The following LRRC4C variants were observed in gnomAD, a reference collection of about 807,000 sequenced individuals.
The protein encoded by LRRC4C is leucine-rich repeat-containing protein 4C.
Under a neutral mutation model 33.6 loss-of-function variants are expected in LRRC4C, and 5 were observed. The observed-to-expected ratio is 0.15, with a 90% CI of 0.08 to 0.31. The LOEUF (loss-of-function observed/expected upper bound fraction) is 0.31, where lower values mean the gene tolerates loss of function less well. Among genes scored for constraint, LRRC4C ranks in the 10% least tolerant of loss-of-function variants. The pLI is 1.00. For synonymous variants in LRRC4C, 329 were observed against 302.0 expected (o/e 1.09, Z -0.93); for missense variants, 560 against 796.7 (o/e 0.70, Z 3.58).
intron 1 of LRRC4C, among the ~76,000 whole-genome samples, chr11:41,082,697 C>T (rs938383761): frequency 6.6e-6 from 1 of 152,166 alleles, no homozygotes; most frequent in Non-Finnish European, 1.5e-5. Flanking sequence ...GTGCTCTTAA[C>T]TGCTTCTATA....
chr11:40,902,011 C>CT (rs1387173124), intron 2 of LRRC4C, among the ~76,000 whole-genome samples: 98 of 100,598 alleles, frequency 9.7e-4, no homozygotes, highest in African/African-American at 6.0e-3. Context: ...CACACACACA[C>CT]ACACACACAC....
At chr11:41,458,416 TA>T (rs1016292365) in intron 1 of LRRC4C, among the ~76,000 whole-genome samples, 2 of 151,872 alleles carry the variant, frequency 1.3e-5, no homozygotes, top group African/African-American at 4.8e-5. Flanking sequence ...AATGCAGAGA[TA>T]AAAATACTAA....
At chr11:40,399,465 TAGGTGGGAATTGAACAATG>T (rs1949674669) in intron 3 of LRRC4C, among the ~76,000 whole-genome samples, 1 of 151,148 alleles carries the variant, frequency 6.6e-6, no homozygotes, top group East Asian at 2.0e-4. Flanking sequence ...TTCTCACTCA[TAGGTGGGAATTGAACAATG>T]AGAACACATG....
At chr11:40,818,254 AC>A (rs1453505582) in intron 2 of LRRC4C, among the ~76,000 whole-genome samples, 2 of 152,106 alleles carry the variant, frequency 1.3e-5, no homozygotes, top group Non-Finnish European at 2.9e-5. Flanking sequence ...TTCTTGTGAC[AC>A]AAACCATTGC....
intron 1 of LRRC4C, among the ~76,000 whole-genome samples, chr11:41,178,121 T>C: frequency 6.6e-6 from 1 of 152,226 alleles, no homozygotes; most frequent in South Asian, 2.1e-4. Flanking sequence ...AGTTACCATA[T>C]GTTGGCCTAT....
Position 41,239,990 on chromosome 11 carries a change from T to C in LRRC4C, c.-496+219441A>G, listed in dbSNP as rs140206313. On this transcript the variant is annotated intron_variant, in intron 1 of 6. Coordinates refer to ENST00000528697, the MANE Select transcript of LRRC4C (RefSeq NM_001258419.2). ...CACATAATTTTACCCATTCTGGCTA[T>C]TAAAAATTGTGTTGTGTCCAATATG... Among the ~76,000 whole-genome samples the C allele has an allele frequency of 7.9e-3, 1,204 of 152,330 alleles. 13 individuals are homozygous for C. Among genetic ancestry groups the C allele is most frequent in the Middle Eastern group, 0.037 (11 of 294 alleles).
intron 3 of LRRC4C, among the ~76,000 whole-genome samples, chr11:40,583,034 C>T (rs983635002): frequency 1.4e-4 from 21 of 152,056 alleles, no homozygotes; most frequent in Non-Finnish European, 2.4e-4. Flanking sequence ...GTAATACTAC[C>T]GTGCTACCAA....
intron 1 of LRRC4C, among the ~76,000 whole-genome samples, chr11:41,452,961 A>G (rs1394824021): frequency 1.3e-5 from 2 of 152,116 alleles, no homozygotes; most frequent in Admixed American, 1.3e-4. Context: ...TTTACTGAGT[A>G]CCAATTAAAT....
intron 5 of LRRC4C, among the ~76,000 whole-genome samples, chr11:40,149,377 A>G (rs145688867): frequency 6.6e-6 from 1 of 152,216 alleles, no homozygotes; most frequent in East Asian, 1.9e-4. Context: ...AGTGTTTTGT[A>G]GTTCTCATTG....
intron 4 of LRRC4C, among the ~76,000 whole-genome samples, chr11:40,248,094 TTTC>T (rs766041072): frequency 1.3e-5 from 2 of 152,174 alleles, no homozygotes; most frequent in African/African-American, 2.4e-5. Context: ...TTTTCTACAC[TTTC>T]TTATCTTTGC....
At chr11:41,267,266 A>C (rs111858360) in intron 1 of LRRC4C, among the ~76,000 whole-genome samples, 3 of 152,120 alleles carry the variant, frequency 2.0e-5, no homozygotes, top group African/African-American at 7.2e-5. Context: ...TCTAGAAGCT[A>C]CCATACCCAC....
intron 4 of LRRC4C, among the ~76,000 whole-genome samples, chr11:40,247,458 C>A (rs537571050): frequency 3.9e-4 from 60 of 152,134 alleles, no homozygotes; most frequent in Admixed American, 3.5e-3. Flanking sequence ...AGAACTTATT[C>A]AAGCCAAGCT....
rs150752939 is a variant in LRRC4C, at chr11:40,682,634, C to T, written c.-406-34356G>A. 4.7e-3 allele frequency among the ~76,000 whole-genome samples: 719 copies of T among 151,844 alleles called. 7 individuals are homozygous for T. The highest frequency in any genetic ancestry group is 0.017 in the African/African-American group (688 of 41,444). Reference sequence around the variant, plus strand: ...CTACTAAAAATACAAAAATTAGCAGCTGTGGTGGTGAATGCCTGTAATCCC... The same window carrying T: ...CTACTAAAAATACAAAAATTAGCAGTTGTGGTGGTGAATGCCTGTAATCCC... On this transcript the variant is annotated intron_variant, in intron 2 of 6. Transcript: ENST00000528697.
At chr11:40,261,539 A>G (rs1441190909) in intron 4 of LRRC4C, among the ~76,000 whole-genome samples, 1 of 152,130 alleles carries the variant, frequency 6.6e-6, no homozygotes, top group Non-Finnish European at 1.5e-5. Context: ...ACCAACATTT[A>G]ACAAGACTAT....
chr11:40,147,587 C>T (rs1311647324), intron 5 of LRRC4C, among the ~76,000 whole-genome samples: 2 of 151,698 alleles, frequency 1.3e-5, no homozygotes, highest in Admixed American at 6.6e-5. Context: ...ATGAATCAGA[C>T]AGTGAAGACC....
intron 2 of LRRC4C, among the ~76,000 whole-genome samples, chr11:40,692,597 A>G (rs963909360): frequency 1.3e-4 from 20 of 152,076 alleles, no homozygotes; most frequent in Non-Finnish European, 8.8e-5. Flanking sequence ...TTGCTAACCA[A>G]TTCTAAACAA....
chr11:40,343,707 T>A (rs1346036147), intron 3 of LRRC4C, among the ~76,000 whole-genome samples: 1,332 of 84,080 alleles, frequency 0.016, 30 homozygotes, highest in African/African-American at 0.052. Flanking sequence ...GGAGTTGTTT[T>A]TTTGAAAAAA....
At chr11:40,326,236 A>G (rs1946095974) in intron 3 of LRRC4C, among the ~76,000 whole-genome samples, 1 of 152,106 alleles carries the variant, frequency 6.6e-6, no homozygotes, top group Non-Finnish European at 1.5e-5. Flanking sequence ...CCTCACCCAG[A>G]GGGCTCAGGC....
chr11:41,459,123 T>A (rs1302744878), intron 1 of LRRC4C, among the ~76,000 whole-genome samples: 1 of 152,040 alleles, frequency 6.6e-6, no homozygotes, highest in East Asian at 1.9e-4. Flanking sequence ...ATTTAGAGAG[T>A]ATTGCAAGGC....
Sources: allele counts gnomAD v4.1 joint callset (sites outside exome capture counted in the v4.1 genomes callset), GRCh38; gene constraint gnomAD v4.1.1; transcripts MANE v1.5; gene names NCBI Gene and HGNC (gene_info 2026-07-23, HGNC 2026-07-21).